TMEM74: variants seen among roughly 807,000 people sequenced by gnomAD.
TMEM74 encodes the protein transmembrane protein 74.
A neutral mutation model predicts 18.1 loss-of-function variants in TMEM74; 13 were observed. That is an observed-to-expected ratio of 0.72 (90% CI 0.47 to 1.14). The LOEUF (loss-of-function observed/expected upper bound fraction) is 1.14, where lower values mean the gene tolerates loss of function less well. TMEM74 is among the 50% of genes most tolerant of loss of function. TMEM74 has a pLI of 0.00. For missense variants in TMEM74, 372 were observed against 375.9 expected, an observed-to-expected ratio of 0.99 and a Z score of 0.09; for synonymous variants, 159 against 146.6, an observed-to-expected ratio of 1.08 and a Z score of -0.61.
intron 1 of TMEM74, among the ~76,000 whole-genome samples, chr8:108,669,536 A>ATT: frequency 6.6e-6 from 1 of 152,316 alleles, no homozygotes; most frequent in South Asian, 2.1e-4. Flanking sequence ...AGTAAGTGGA[A>ATT]ATAACTGGTG....
chr8:108,676,309 A>G (rs1198469155), intron 1 of TMEM74, among the ~76,000 whole-genome samples: 1 of 152,082 alleles, frequency 6.6e-6, no homozygotes, highest in African/African-American at 2.4e-5. Flanking sequence ...AATCCCTCCA[A>G]TGGGACCCTA....
intron 1 of TMEM74, among the ~76,000 whole-genome samples, chr8:108,682,386 ATT>A (rs1813124828): frequency 6.6e-6 from 1 of 152,016 alleles, no homozygotes; most frequent in Non-Finnish European, 1.5e-5. Context: ...CATCTAAATT[ATT>A]TTCTTTCATA....
intron 1 of TMEM74, among the ~76,000 whole-genome samples, chr8:108,691,269 G>A (rs1441613656): frequency 6.6e-6 from 1 of 152,140 alleles, no homozygotes; most frequent in Non-Finnish European, 1.5e-5. Context: ...TTGGGAACCT[G>A]CCCCGTATGA....
At chr8:108,694,017 T>A (rs1369424385) in intron 1 of TMEM74, among the ~76,000 whole-genome samples, 4 of 152,254 alleles carry the variant, frequency 2.6e-5, no homozygotes, top group African/African-American at 9.6e-5. Flanking sequence ...TTAAACATTT[T>A]ATTTGTATAA....
chr8:108,657,879 T>TATATATTAATTAC (rs1554630297), intron 1 of TMEM74, among the ~76,000 whole-genome samples: 1,254 of 82,470 alleles, frequency 0.015, 63 homozygotes, highest in East Asian at 0.065. Flanking sequence ...TATATATATA[T>TATATATTAATTAC]ATATATATAT....
chr8:108,759,040 C>A (rs1260417904), intron 1 of TMEM74, among the ~76,000 whole-genome samples: 1 of 151,884 alleles, frequency 6.6e-6, no homozygotes, highest in East Asian at 1.9e-4. Flanking sequence ...ATGTATAAAG[C>A]ATTCATAACA....
At chr8:108,735,883 T>C (rs1813744001) in intron 1 of TMEM74, among the ~76,000 whole-genome samples, 1 of 152,112 alleles carries the variant, frequency 6.6e-6, no homozygotes. Flanking sequence ...AATTTCATTT[T>C]CTCCCAAATT....
At chr8:108,777,282 T>C (rs973709848), downstream of TMEM74, among the ~76,000 whole-genome samples, 12 of 152,300 alleles carry the variant, frequency 7.9e-5, no homozygotes, top group African/African-American at 2.9e-4. Context: ...GCCTGGCACA[T>C]AGTAAGCACT....
intron 1 of TMEM74, among the ~76,000 whole-genome samples, chr8:108,703,761 G>T (rs1813362198): frequency 6.6e-6 from 1 of 152,194 alleles, no homozygotes; most frequent in Non-Finnish European, 1.5e-5. Flanking sequence ...CAGAGGGAAT[G>T]AATCTCTTTC....
intron 1 of TMEM74, among the ~76,000 whole-genome samples, chr8:108,756,629 AG>A (rs1212191745): frequency 2.0e-4 from 20 of 98,488 alleles, no homozygotes; most frequent in African/African-American, 8.1e-4. Flanking sequence ...GAAGGAAGGA[AG>A]GAAGGAAGGA....
chr8:108,643,687 T>C (rs1431026275), intron 2 of TMEM74, among the ~76,000 whole-genome samples: 1 of 151,178 alleles, frequency 6.6e-6, no homozygotes. Context: ...ACCAGCAACA[T>C]GGCAAGAACG....
chr8:108,740,454 G>A (rs973829571), intron 1 of TMEM74, among the ~76,000 whole-genome samples: 13 of 152,150 alleles, frequency 8.5e-5, no homozygotes, highest in African/African-American at 1.4e-4. Context: ...GTACAAGTTC[G>A]TGAATACCAG....
intron 1 of TMEM74, among the ~76,000 whole-genome samples, chr8:108,761,937 G>A (rs1814049481): frequency 6.6e-6 from 1 of 152,184 alleles, no homozygotes; most frequent in Non-Finnish European, 1.5e-5. Flanking sequence ...CTCCTGTAAG[G>A]TTTTGGAATA....
intron 2 of TMEM74, among the ~76,000 whole-genome samples, chr8:108,620,616 G>A (rs1269605891): frequency 6.6e-6 from 1 of 152,138 alleles, no homozygotes; most frequent in Non-Finnish European, 1.5e-5. Context: ...ACTCAGGTCT[G>A]TATGTTTCCA....
chr8:108,695,641 T>C (rs1266645798), intron 1 of TMEM74, among the ~76,000 whole-genome samples: 1 of 152,170 alleles, frequency 6.6e-6, no homozygotes. Context: ...ACAAAGCCCA[T>C]GCCCTATCCA....
At chr8:108,754,526 A>T (rs1375492741) in intron 1 of TMEM74, among the ~76,000 whole-genome samples, 1 of 151,872 alleles carries the variant, frequency 6.6e-6, no homozygotes, top group Non-Finnish European at 1.5e-5. Flanking sequence ...ATGTTACATT[A>T]TGTAGGATTC....
At chr8:108,643,340 C>A (rs983006922) in intron 2 of TMEM74, among the ~76,000 whole-genome samples, 2 of 152,136 alleles carry the variant, frequency 1.3e-5, no homozygotes, top group Non-Finnish European at 2.9e-5. Flanking sequence ...CTTTGAGAAC[C>A]ATTGACTTAG....
intron 1 of TMEM74, among the ~76,000 whole-genome samples, chr8:108,693,630 C>T (rs998230075): frequency 4.6e-5 from 7 of 152,170 alleles, no homozygotes; most frequent in Non-Finnish European, 1.0e-4. Context: ...TTACCAAATG[C>T]CTTCCTAAAT....
chr8:108,776,657 T>G (rs1478981264), downstream of TMEM74, among the ~76,000 whole-genome samples: 2 of 152,096 alleles, frequency 1.3e-5, no homozygotes, highest in Non-Finnish European at 2.9e-5. Flanking sequence ...TGAAGGGAGA[T>G]GTAAATTTCT....
Sources: gnomAD v4.1 joint callset for allele counts (sites outside exome capture counted in the v4.1 genomes callset) on GRCh38, gnomAD v4.1.1 for gene constraint, MANE v1.5 for transcripts, NCBI Gene and HGNC (gene_info 2026-07-23, HGNC 2026-07-21) for gene names.